CREB5: variants seen among roughly 807,000 people sequenced by gnomAD.
The protein encoded by CREB5 is cAMP responsive element binding protein 5.
CREB5 carries 19 observed loss-of-function variants against 57.1 expected under a neutral mutation model. That is an observed-to-expected ratio of 0.33 (90% CI 0.23 to 0.49). The LOEUF (loss-of-function observed/expected upper bound fraction) is 0.49. Among genes scored for constraint, CREB5 ranks in the 20% least tolerant of loss-of-function variants. The pLI, the probability that CREB5 is intolerant of heterozygous loss-of-function variation, is 0.99. For missense variants in CREB5, 579 were observed against 671.6 expected (o/e 0.86, Z 1.52); for synonymous variants, 238 against 238.3 (o/e 1.00, Z 0.01).
chr7:28,718,814 C>T lies in CREB5; in HGVS notation c.526C>T (p.Pro176Ser). The T allele has an allele frequency of 6.2e-7, 1 of 1,614,152 alleles. No homozygotes were observed. The highest frequency in any genetic ancestry group is 8.5e-7 in the Non-Finnish European group (1 of 1,179,976). The change falls in exon 6 of 11, where the codon CCA becomes TCA. Residue 176 changes from proline to serine, a missense_variant. Around this residue, in one of 3 missense-constraint regions of CREB5, gnomAD observed 459 missense variants for 515.7 expected, o/e 0.89. Transcript: ENST00000357727. Reference protein sequence around the residue: ...HLHNRQRQPMPASMPGTLPNP... With the variant: ...HLHNRQRQPMSASMPGTLPNP... ...CCACAACAGACAGAGACAGCCCATG[C>T]CAGCCTCCATGCCTGGGACCCTGCC... is the stretch of plus-strand genomic sequence containing the variant.
chr7:28,342,076 C>T (rs1373964558), intron 1 of CREB5, among the ~76,000 whole-genome samples: 4 of 152,158 alleles, frequency 2.6e-5, no homozygotes, highest in Non-Finnish European at 5.9e-5. Context: ...TCAGCTCAGC[C>T]AGCACCTGGA....
chr7:28,700,949 C>A (rs1280296160), intron 5 of CREB5, among the ~76,000 whole-genome samples: 2 of 139,758 alleles, frequency 1.4e-5, no homozygotes, highest in African/African-American at 2.9e-5. Flanking sequence ...AAGATAGGTT[C>A]CCAGGGATTT....
chr7:28,812,980 C>T (rs1809213881), intron 9 of CREB5, among the ~76,000 whole-genome samples: 1 of 152,154 alleles, frequency 6.6e-6, no homozygotes, highest in South Asian at 2.1e-4. Context: ...AAAACCAGAC[C>T]TAAGAAAACA....
intron 1 of CREB5, among the ~76,000 whole-genome samples, chr7:28,391,926 C>T (rs1293233570): frequency 1.1e-4 from 16 of 151,980 alleles, no homozygotes. Flanking sequence ...TGTGGCTGTT[C>T]TAGGAATGCC....
intron 1 of CREB5, among the ~76,000 whole-genome samples, chr7:28,331,598 A>G (rs1185887566): frequency 6.6e-6 from 1 of 152,014 alleles, no homozygotes; most frequent in Non-Finnish European, 1.5e-5. Flanking sequence ...ATGCTTTTAG[A>G]AAGAATTTTG....
At chr7:28,619,295 A>G (rs41285) in intron 5 of CREB5, among the ~76,000 whole-genome samples, 128,523 of 152,200 alleles carry the variant, frequency 0.84, 54,480 homozygotes, top group East Asian at 0.98. Flanking sequence ...TATAGCTTGG[A>G]TCTGGAAGAG....
intron 5 of CREB5, among the ~76,000 whole-genome samples, chr7:28,619,520 C>T: frequency 6.6e-6 from 1 of 152,192 alleles, no homozygotes; most frequent in Middle Eastern, 3.2e-3. Context: ...CCATCCTCTT[C>T]AGTGAGAAAA....
At chr7:28,349,018 C>T (rs1224001709) in intron 1 of CREB5, among the ~76,000 whole-genome samples, 3 of 152,192 alleles carry the variant, frequency 2.0e-5, no homozygotes, top group Admixed American at 6.5e-5. Context: ...CACAGACAAA[C>T]GTTGCCAGGT....
In CREB5 at chr7:28,324,140, G is replaced by A. The variant is rs907855294; in HGVS notation, c.-25+24699G>A. ...CTATGGGGGTTGAGGAACCCTGGTC[G>A]AAGGGATACACAACTAGAGCCAAAA... On this transcript the variant is annotated intron_variant, in intron 1 of 9. Coordinates refer to the CREB5 transcript ENST00000396299. Among the ~76,000 whole-genome samples, 10 of 152,280 alleles carry A rather than the reference G, an allele frequency of 6.6e-5. 1 individual carries two copies. The East Asian group carries it at 7.7e-4, about 12-fold the overall frequency.
At chr7:28,495,595 G>T (rs1174702236) in intron 3 of CREB5, among the ~76,000 whole-genome samples, 1 of 151,934 alleles carries the variant, frequency 6.6e-6, no homozygotes, top group African/African-American at 2.4e-5. Flanking sequence ...ATGTGAATTG[G>T]GCATCTATGC....
intron 1 of CREB5, among the ~76,000 whole-genome samples, chr7:28,417,595 G>A (rs1377994260): frequency 6.6e-6 from 1 of 152,146 alleles, no homozygotes; most frequent in Non-Finnish European, 1.5e-5. Context: ...TAATTGGTTT[G>A]GGGTGAAGGC....
Position 28,560,827 on chromosome 7 carries a change from C to T in CREB5, c.292-9538C>T, listed in dbSNP as rs1001140772. Among the ~76,000 whole-genome samples, 218 of 88,994 alleles carry T rather than the reference C, an allele frequency of 2.4e-3. 12 individuals are homozygous for T. The highest frequency in any genetic ancestry group is 3.3e-3 in the Non-Finnish European group (142 of 42,944). The allele number at this position is 88,994 out of a possible 152,430, so 58.4% of individuals were successfully genotyped here. The stretch of plus-strand genomic sequence containing the variant: ...GTGTGCGCGTGTGTGTGTGTGCGCG[C>T]GCGCGCGTGTGTGTGTGCGCGTGTG... On this transcript the variant is annotated intron_variant, in intron 4 of 10. Coordinates refer to ENST00000357727, the MANE Select transcript of CREB5 (RefSeq NM_182898.4).
chr7:28,507,110 T>C (rs1792511451), intron 3 of CREB5, among the ~76,000 whole-genome samples: 1 of 152,258 alleles, frequency 6.6e-6, no homozygotes, highest in Non-Finnish European at 1.5e-5. Context: ...TTAAGTTTTC[T>C]TTCTCCATTA....
At chr7:28,498,208 G>A (rs1367520328) in intron 3 of CREB5, among the ~76,000 whole-genome samples, 1 of 152,010 alleles carries the variant, frequency 6.6e-6, no homozygotes, top group Non-Finnish European at 1.5e-5. Flanking sequence ...TATATGACTT[G>A]TAATATAGTA....
At chr7:28,353,474 A>C (rs1426221791) in intron 1 of CREB5, among the ~76,000 whole-genome samples, 1 of 152,188 alleles carries the variant, frequency 6.6e-6, no homozygotes, top group Non-Finnish European at 1.5e-5. Flanking sequence ...AGAACAAGGA[A>C]GACTAGCCGG....
intron 7 of CREB5, among the ~76,000 whole-genome samples, chr7:28,746,130 C>A (rs551191947): frequency 2.0e-5 from 3 of 152,312 alleles, no homozygotes; most frequent in East Asian, 3.9e-4. Flanking sequence ...AGAAGTTGAT[C>A]TCTAAGGAGG....
intron 4 of CREB5, among the ~76,000 whole-genome samples, chr7:28,540,433 A>G (rs1484452640): frequency 6.6e-6 from 1 of 152,120 alleles, no homozygotes; most frequent in African/African-American, 2.4e-5. Flanking sequence ...TAGCTCTAAT[A>G]GGCATCTATA....
At chr7:28,656,879 T>C (rs774977996) in intron 5 of CREB5, among the ~76,000 whole-genome samples, 1 of 152,166 alleles carries the variant, frequency 6.6e-6, no homozygotes, top group Non-Finnish European at 1.5e-5. Flanking sequence ...TGAGGATCAG[T>C]TGTGACCCAC....
intron 1 of CREB5, among the ~76,000 whole-genome samples, chr7:28,364,954 T>G (rs1461097787): frequency 6.6e-6 from 1 of 152,200 alleles, no homozygotes; most frequent in Admixed American, 6.5e-5. Flanking sequence ...GACTGGTACC[T>G]GGTTCATGGT....
Sources: gnomAD v4.1 joint callset for allele counts (sites outside exome capture counted in the v4.1 genomes callset) on GRCh38, gnomAD v4.1.1 for gene constraint, gnomAD v4.1.1 regional missense constraint, MANE v1.5 for transcripts, NCBI Gene and HGNC (gene_info 2026-07-23, HGNC 2026-07-21) for gene names.